MAP2K5: variants seen among roughly 807,000 people sequenced by gnomAD.
MAP2K5 encodes the protein dual specificity mitogen-activated protein kinase kinase 5.
A neutral mutation model predicts 83.1 loss-of-function variants in MAP2K5; 49 were observed. That is an observed-to-expected ratio of 0.59 (90% CI 0.47 to 0.75). MAP2K5 has a LOEUF of 0.75. Ranked by LOEUF, MAP2K5 falls within the 30% of genes least tolerant of loss-of-function variation. The pLI, the probability that MAP2K5 is intolerant of heterozygous loss-of-function variation, is 0.00. For synonymous variants in MAP2K5, 202 were observed against 191.8 expected, an observed-to-expected ratio of 1.05 and a Z score of -0.44; for missense variants, 457 against 557.5, an observed-to-expected ratio of 0.82 and a Z score of 1.82.
chr15:67,674,458 G>GTATGTTT (rs2087629130), intron 13 of MAP2K5, among the ~76,000 whole-genome samples: 1 of 151,790 alleles, frequency 6.6e-6, no homozygotes, highest in African/African-American at 2.4e-5. Flanking sequence ...TTGTGAATGT[G>GTATGTTT]TATGTTTTTG....
At chr15:67,597,391 C>T (rs954020418) in intron 7 of MAP2K5, among the ~76,000 whole-genome samples, 1 of 152,162 alleles carries the variant, frequency 6.6e-6, no homozygotes, top group Non-Finnish European at 1.5e-5. Flanking sequence ...TCCCTCCATA[C>T]TTAATACCGG....
chr15:67,646,451 T>C lies in MAP2K5; in HGVS notation c.718T>C (p.Cys240Arg). Residue 240 changes from cysteine (C) to arginine (R), a missense_variant, in exon 11 of 22, where the codon TGT becomes CGT. Around this residue, in one of 3 missense-constraint regions of MAP2K5, gnomAD observed 168 missense variants for 263.0 expected, o/e 0.64. Transcript: ENST00000178640. ...AFFVENRISICTEFMDGGSLD... is the reference protein window; with the variant it reads ...AFFVENRISIRTEFMDGGSLD... Reference sequence around the variant, plus strand: ...TTTTGTAGAAAACAGGATTTCAATATGTACAGAATTCATGGATGGTGAGTT... The same window carrying C: ...TTTTGTAGAAAACAGGATTTCAATACGTACAGAATTCATGGATGGTGAGTT... 2.5e-6 allele frequency: 4 copies of C among 1,590,930 alleles called. No individual in the cohort carries two copies. The highest frequency in any genetic ancestry group is 1.1e-5 in the South Asian group (1 of 89,164).
chr15:67,551,809 A>C (rs1196481020), intron 2 of MAP2K5, among the ~76,000 whole-genome samples: 1 of 152,230 alleles, frequency 6.6e-6, no homozygotes, highest in Non-Finnish European at 1.5e-5. Context: ...TGGATTAATA[A>C]ATTACTATTT....
At chr15:67,616,318 T>C (rs75162941) in intron 8 of MAP2K5, among the ~76,000 whole-genome samples, 1,535 of 152,316 alleles carry the variant, frequency 0.01, 13 homozygotes, top group Non-Finnish European at 0.015. Context: ...TGAACCTGAG[T>C]GAGACCAACT....
chr15:67,784,188 A>G (rs1320108545), intron 21 of MAP2K5, among the ~76,000 whole-genome samples: 3 of 152,220 alleles, frequency 2.0e-5, no homozygotes, highest in African/African-American at 7.2e-5. Context: ...TTACTGATGC[A>G]TAAACTGGGT....
At chr15:67,633,123 C>T (rs2086513036) in intron 9 of MAP2K5, among the ~76,000 whole-genome samples, 3 of 152,180 alleles carry the variant, frequency 2.0e-5, no homozygotes, top group Admixed American at 6.5e-5. Context: ...GCGGCCCAGT[C>T]GTACCACCTT....
rs572801021 is a variant in MAP2K5, at chr15:67,728,527, C to A, written c.1074+582C>A. Among the ~76,000 whole-genome samples, 8 of 152,144 alleles carry A rather than the reference C, an allele frequency of 5.3e-5. No homozygotes were observed. In the South Asian group the frequency reaches 8.3e-4, roughly 16 times the overall value. On this transcript the variant is annotated intron_variant, in intron 17 of 21. Coordinates refer to ENST00000178640, the MANE Select transcript of MAP2K5 (RefSeq NM_145160.3). ...TTAAGATTTTTATTATAGAAGGGTA[C>A]CAGCACTAAAATAGAAAGCTATTTT...
At chr15:67,554,045 A>G (rs2084571916) in intron 2 of MAP2K5, among the ~76,000 whole-genome samples, 1 of 152,170 alleles carries the variant, frequency 6.6e-6, no homozygotes, top group Non-Finnish European at 1.5e-5. Context: ...TTAATAAAAG[A>G]AATACTTATA....
chr15:67,592,118 C>CAAA (rs71142384), intron 6 of MAP2K5, among the ~76,000 whole-genome samples: 13,868 of 117,908 alleles, frequency 0.12, 1,733 homozygotes, highest in East Asian at 0.19. Flanking sequence ...AACTATGTCT[C>CAAA]AAAAAAAAAA....
intron 8 of MAP2K5, among the ~76,000 whole-genome samples, chr15:67,605,150 T>C (rs2085753142): frequency 6.6e-6 from 1 of 151,640 alleles, no homozygotes; most frequent in African/African-American, 2.4e-5. Flanking sequence ...CCTCCCGGGT[T>C]CAAGTGATTC....
chr15:67,657,798 G>A (rs752458830), intron 11 of MAP2K5, among the ~76,000 whole-genome samples: 10 of 151,506 alleles, frequency 6.6e-5, no homozygotes, highest in African/African-American at 1.9e-4. Flanking sequence ...ATGAATACAC[G>A]ATTTTTTTAC....
chr15:67,684,705 CTA>C (rs1311103381), intron 13 of MAP2K5, among the ~76,000 whole-genome samples: 1 of 151,982 alleles, frequency 6.6e-6, no homozygotes, highest in Non-Finnish European at 1.5e-5. Flanking sequence ...ATTATAAAAA[CTA>C]TATATGTCCA....
At chr15:67,655,444 G>C (rs1298330468) in intron 11 of MAP2K5, among the ~76,000 whole-genome samples, 1 of 152,114 alleles carries the variant, frequency 6.6e-6, no homozygotes, top group Non-Finnish European at 1.5e-5. Context: ...GTTTATTTGA[G>C]AGTATCTTAA....
intron 21 of MAP2K5, among the ~76,000 whole-genome samples, chr15:67,795,652 CCA>C (rs911961606): frequency 3.2e-4 from 48 of 152,252 alleles, no homozygotes; most frequent in African/African-American, 1.1e-3. Context: ...GTTTTTCCCC[CCA>C]GTGTTCTCTC....
chr15:67,622,564 A>T (rs2141069374), intron 8 of MAP2K5, among the ~76,000 whole-genome samples: 2 of 151,952 alleles, frequency 1.3e-5, no homozygotes, highest in South Asian at 4.2e-4. Flanking sequence ...CCAGGTGATT[A>T]TTTTTTTCAT....
intron 20 of MAP2K5, among the ~76,000 whole-genome samples, chr15:67,771,222 A>C (rs2090135977): frequency 6.7e-6 from 1 of 149,718 alleles, no homozygotes; most frequent in African/African-American, 2.5e-5. Context: ...GTAATGCCTC[A>C]TTTTGAAATG....
At position 67,775,043 on chromosome 15, in the gene MAP2K5, T is replaced by C. The variant is rs1453758286; in HGVS notation, c.1242+2291T>C. On this transcript the variant is annotated intron_variant, in intron 21 of 21. Transcript: ENST00000178640. This position sits in a 1 kb window ranked among gnomAD's most constrained non-coding sequence, Gnocchi z 5.3. ...AAGTCTCAGCCTAAGTAAATCAGAA[T>C]GTAGGACTGGTGGGCTAGATCACCC... Among the ~76,000 whole-genome samples, 1 of 152,194 alleles carries C rather than the reference T, an allele frequency of 6.6e-6. No homozygotes were observed. Among genetic ancestry groups the C allele is most frequent in the African/African-American group, 2.4e-5 (1 of 41,450 alleles).
Position 67,580,813 on chromosome 15 carries a change from A to G in MAP2K5, c.312A>G (p.Ile104Met). 6.2e-7 allele frequency: 1 copy of G among 1,605,682 alleles called. No homozygotes were observed. Residue 104 changes from isoleucine to methionine, a missense_variant, in exon 4 of 22, where the codon ATA becomes ATG. Transcript: ENST00000178640. ...GACAGTTAATAGAGCCTCTGCAGAT[A>G]TTTCCAAGAGGTAATGTTGAGCAAA... ...VNGQLIEPLQ[I>M]FPRACKPPGE... is the part of the protein sequence containing the mutation.
At chr15:67,554,756 A>C (rs938871642) in intron 2 of MAP2K5, among the ~76,000 whole-genome samples, 1 of 152,236 alleles carries the variant, frequency 6.6e-6, no homozygotes, top group Non-Finnish European at 1.5e-5. Context: ...CTCTCTTCTT[A>C]GTAATGAGCT....
Sources: allele counts gnomAD v4.1 joint callset (sites outside exome capture counted in the v4.1 genomes callset), GRCh38; gene constraint gnomAD v4.1.1; regional missense constraint gnomAD v4.1.1; non-coding constraint Gnocchi (gnomAD v3.1); transcripts MANE v1.5; gene names NCBI Gene and HGNC (gene_info 2026-07-23, HGNC 2026-07-21).